The following ZFHX3 variants were observed in gnomAD, a reference collection of about 807,000 sequenced individuals.
ZFHX3 encodes zinc finger homeobox protein 3.
In ZFHX3, 42 loss-of-function variants were observed where a neutral mutation model predicts 279.1. The ratio of observed to expected loss-of-function variants is 0.15; its 90% CI spans 0.12 to 0.19. The LOEUF (loss-of-function observed/expected upper bound fraction) is 0.19. ZFHX3 is among the 10% of genes least tolerant of loss of function. The pLI is 1.00. For synonymous variants in ZFHX3, 2,293 were observed against 1,957.8 expected, an observed-to-expected ratio of 1.17 and a Z score of -4.52; for missense variants, 4,981 against 4,754.0, an observed-to-expected ratio of 1.05 and a Z score of -1.40.
intron 1 of ZFHX3, among the ~76,000 whole-genome samples, chr16:73,693,991 T>C (rs2053172283): frequency 6.7e-6 from 1 of 148,860 alleles, no homozygotes; most frequent in African/African-American, 2.5e-5. Flanking sequence ...CTCTGCTGAC[T>C]CAAATAAACA....
chr16:72,836,319 G>A (rs926517630), intron 4 of ZFHX3, among the ~76,000 whole-genome samples: 10 of 150,964 alleles, frequency 6.6e-5, no homozygotes, highest in Non-Finnish European at 1.5e-4. Context: ...GTGACAGCCA[G>A]ACCCAGAATG....
intron 3 of ZFHX3, among the ~76,000 whole-genome samples, chr16:72,927,539 C>T (rs2144269312): frequency 6.6e-6 from 1 of 152,324 alleles, no homozygotes; most frequent in Middle Eastern, 3.4e-3. Flanking sequence ...GAACGTTCAG[C>T]CACCGATGCC....
intron 1 of ZFHX3, among the ~76,000 whole-genome samples, chr16:73,693,768 A>T (rs767218862): frequency 3.3e-5 from 5 of 152,166 alleles, no homozygotes; most frequent in Non-Finnish European, 7.4e-5. Flanking sequence ...TCCACCTTCC[A>T]TTTACAAGAT....
intron 1 of ZFHX3, among the ~76,000 whole-genome samples, chr16:73,685,346 G>A (rs2053071737): frequency 6.6e-6 from 1 of 152,190 alleles, no homozygotes; most frequent in African/African-American, 2.4e-5. Context: ...GTAAGAGGGA[G>A]GCAGAAGAGG....
intron 5 of ZFHX3, among the ~76,000 whole-genome samples, chr16:73,199,641 A>G (rs938254407): frequency 3.9e-5 from 6 of 152,318 alleles, no homozygotes; most frequent in Non-Finnish European, 2.9e-5. Flanking sequence ...TTAACACCTC[A>G]AGGTAAGATC....
At chr16:73,329,947 G>T (rs2015768031) in intron 3 of ZFHX3, among the ~76,000 whole-genome samples, 1 of 152,126 alleles carries the variant, frequency 6.6e-6, no homozygotes, top group Non-Finnish European at 1.5e-5. Flanking sequence ...GGCTCTTCTG[G>T]GACTGGCTAG....
rs762734283 is a variant in ZFHX3, at chr16:72,795,040, G to T, written c.7642C>A (p.His2548Asn). 6.2e-7 allele frequency: 1 copy of T among 1,614,222 alleles called. No homozygotes were observed. Among genetic ancestry groups the T allele is most frequent in the Non-Finnish European group, 8.5e-7 (1 of 1,180,046 alleles). ...AFPSFEHWQEHQQLHFLSAQN... is the reference protein window; with the variant it reads ...AFPSFEHWQENQQLHFLSAQN... ...GCGCTCAGGAAGTGGAGCTGCTGAT[G>T]CTCCTGCCAGTGCTCAAATGACGGA... The change falls in exon 9 of 10, where the codon CAT becomes AAT. Residue 2548 changes from histidine (H) to asparagine (N), a missense_variant. By Grantham distance (68) the His-to-Asn change is moderately conservative. This residue lies in a region of ZFHX3 where 744 missense variants were observed against 701.3 expected (regional missense o/e 1.06). Transcript: ENST00000268489.
intron 2 of ZFHX3, among the ~76,000 whole-genome samples, chr16:73,561,900 G>A (rs564205285): frequency 2.6e-5 from 4 of 152,124 alleles, no homozygotes; most frequent in Admixed American, 2.6e-4. Context: ...TCTCCACTCT[G>A]GAGCAGTTTT....
In ZFHX3 at chr16:72,786,197, G is replaced by A. The variant is rs1478382011; in HGVS notation, c.*967C>T. 1 of 151,936 alleles carries A rather than the reference G, an allele frequency of 6.6e-6. No homozygotes were observed. The highest frequency in any genetic ancestry group is 1.5e-5 in the Non-Finnish European group (1 of 67,960). 9.4% of individuals were successfully genotyped at this position (151,936 alleles called of 1,614,324 possible). ...AATGAACAAGACAACATCAAATGAG[G>A]AGCTGTCAGCTGGACCATACAAAAA... is the stretch of plus-strand genomic sequence containing the variant. On this transcript the variant is annotated 3_prime_UTR_variant, in exon 10 of 10. Coordinates refer to ENST00000268489, the MANE Select transcript of ZFHX3 (RefSeq NM_006885.4).
chr16:73,538,155 A>C (rs183373626), intron 2 of ZFHX3, among the ~76,000 whole-genome samples: 6 of 152,342 alleles, frequency 3.9e-5, no homozygotes, highest in Non-Finnish European at 8.8e-5. Context: ...TCACGGCAGC[A>C]CATGTACATA....
rs76239888 is a variant in ZFHX3, at chr16:72,787,039, CTTTTTTTTTT to C, written c.*115_*124del. 3.2e-5 allele frequency: 22 copies of C among 684,966 alleles called. No individual in the cohort carries two copies. The highest frequency in any genetic ancestry group is 5.5e-5 in the East Asian group (1 of 18,162). 42.4% of individuals were successfully genotyped at this position (684,966 alleles called of 1,614,324 possible). ...ACAACCCACGCTTTTTCTTTTTTTT[CTTTTTTTTTT>C]TTTTTTTGTTTTTTGGTTAGAAGCT... On this transcript the variant is annotated 3_prime_UTR_variant, in exon 10 of 10. Coordinates refer to ENST00000268489, the MANE Select transcript of ZFHX3 (RefSeq NM_006885.4).
Position 72,794,579 on chromosome 16 carries a change from G to T in ZFHX3, c.8103C>A (p.Phe2701Leu). The T allele has an allele frequency of 6.2e-7, 1 of 1,614,222 alleles. No individual in the cohort carries two copies. Among genetic ancestry groups the T allele is most frequent in the Non-Finnish European group, 8.5e-7 (1 of 1,180,044 alleles). ...NTRARERKGQ[F>L]RAVGPAQAHR... ...GGGCCTGCGCTGGGCCTACAGCCCG[G>T]AACTGTCCTTTCCTTTCCCGAGCTC... is the stretch of plus-strand genomic sequence containing the variant. The change falls in exon 9 of 10, where the codon TTC (phenylalanine) becomes TTA (leucine). Residue 2701 changes from phenylalanine to leucine, a missense_variant. By Grantham distance (22) the Phe-to-Leu change is conservative (BLOSUM62 0). This residue lies in a region of ZFHX3 where 744 missense variants were observed against 701.3 expected (regional missense o/e 1.06). Transcript: ENST00000268489. This position sits in a 1 kb window ranked among gnomAD's most constrained non-coding sequence, Gnocchi z 4.2.
rs180948273 is a variant in ZFHX3, at chr16:73,493,166, T to A, written c.-1546-36908A>T. ...CTTTCAGTCTGTCTTGTGTCACCTA[T>A]TTTTTGCAGCTGGTCTCGTCTGCTT... On this transcript the variant is annotated intron_variant, in intron 2 of 17. Coordinates refer to the ZFHX3 transcript ENST00000641206. Among the ~76,000 whole-genome samples the A allele has an allele frequency of 2.6e-5, 4 of 152,270 alleles. No individual in the cohort carries two copies. In the East Asian group the frequency reaches 7.7e-4, roughly 29 times the overall value.
intron 2 of ZFHX3, among the ~76,000 whole-genome samples, chr16:73,519,270 T>C (rs1197055953): frequency 6.6e-6 from 1 of 152,210 alleles, no homozygotes; most frequent in Non-Finnish European, 1.5e-5. Flanking sequence ...CATTATTGGT[T>C]ATAAACCCAT....
chr16:73,300,063 T>C (rs2015016179), intron 4 of ZFHX3, among the ~76,000 whole-genome samples: 1 of 152,116 alleles, frequency 6.6e-6, no homozygotes, highest in South Asian at 2.1e-4. Flanking sequence ...CCTTCCCAAA[T>C]GTGCTCCAAG....
intron 1 of ZFHX3, among the ~76,000 whole-genome samples, chr16:73,868,381 G>A (rs772243926): frequency 1.2e-4 from 19 of 152,110 alleles, no homozygotes; most frequent in South Asian, 4.1e-4. Context: ...AAAATTAGCC[G>A]GGCCTGGTGG....
intron 3 of ZFHX3, among the ~76,000 whole-genome samples, chr16:73,341,064 C>T (rs762366640): frequency 3.9e-5 from 6 of 152,226 alleles, no homozygotes; most frequent in Admixed American, 6.5e-5. Flanking sequence ...TTGAGGGAGC[C>T]GGATGCGGTG....
At chr16:73,274,259 T>G (rs1413510845) in intron 4 of ZFHX3, among the ~76,000 whole-genome samples, 2 of 152,246 alleles carry the variant, frequency 1.3e-5, no homozygotes, top group African/African-American at 4.8e-5. Context: ...GTTCTCAAAC[T>G]TTTGCATTTT....
chr16:73,447,608 C>A (rs937644928), intron 3 of ZFHX3, among the ~76,000 whole-genome samples: 6 of 152,076 alleles, frequency 3.9e-5, no homozygotes, highest in African/African-American at 1.4e-4. Context: ...GGAGCAGAGT[C>A]CCTGGTTCTG....
Sources: gnomAD v4.1 joint callset for allele counts (sites outside exome capture counted in the v4.1 genomes callset) on GRCh38, gnomAD v4.1.1 for gene constraint, gnomAD v4.1.1 regional missense constraint, Gnocchi (gnomAD v3.1) non-coding constraint, MANE v1.5 for transcripts, NCBI Gene and HGNC (gene_info 2026-07-23, HGNC 2026-07-21) for gene names.